Variants in TTC6 observed in about 807,000 individuals in gnomAD.
TTC6 encodes tetratricopeptide repeat domain 6.
Under a neutral mutation model 210.4 loss-of-function variants are expected in TTC6, and 172 were observed. The observed-to-expected ratio is 0.82, with a 90% CI of 0.72 to 0.93. TTC6 has a LOEUF of 0.93. TTC6 is among the 40% of genes least tolerant of loss of function. TTC6 has a pLI of 0.00. For missense variants in TTC6, 2,414 were observed against 2,318.1 expected, an observed-to-expected ratio of 1.04 and a Z score of -0.85; for synonymous variants, 804 against 819.6, an observed-to-expected ratio of 0.98 and a Z score of 0.32.
intron 18 of TTC6, among the ~76,000 whole-genome samples, 200 bp downstream of exon 20, chr14:37,795,552 G>GCT (rs1445657202): frequency 1.3e-5 from 2 of 152,014 alleles, no homozygotes; most frequent in African/African-American, 2.4e-5. Context: ...TTTTCCCTTT[G>GCT]CTCTACCCTT....
intron 29 of TTC6, among the ~76,000 whole-genome samples, chr14:37,832,827 A>G (rs2139025093): frequency 6.6e-6 from 1 of 152,210 alleles, no homozygotes; most frequent in African/African-American, 2.4e-5. Context: ...TGGGAGGCCA[A>G]GGTGGGCAGA....
At chr14:37,787,817 C>T (rs1160317187) in intron 15 of TTC6, among the ~76,000 whole-genome samples, 180 bp downstream of exon 17, 1 of 151,434 alleles carries the variant, frequency 6.6e-6, no homozygotes, top group South Asian at 2.1e-4. Flanking sequence ...TATAGGTATA[C>T]AATATATGAA....
intron 1 of TTC6, among the ~76,000 whole-genome samples, chr14:37,663,032 T>C (rs2095740573): frequency 6.6e-6 from 1 of 152,186 alleles, no homozygotes; most frequent in African/African-American, 2.4e-5. Flanking sequence ...GCATGGAATG[T>C]TTTTCCGTTT....
chr14:37,837,221 AT>A, intron 29 of TTC6: 1 of 240,790 alleles, frequency 4.2e-6, no homozygotes, highest in South Asian at 4.1e-5. Flanking sequence ...GAGAAAAAGA[AT>A]TTGCTTTTAC....
intron 8 of TTC6, among the ~76,000 whole-genome samples, chr14:37,737,263 G>A (rs2095904248): frequency 6.6e-6 from 1 of 152,072 alleles, no homozygotes; most frequent in Admixed American, 6.6e-5. Context: ...AGAGGTGACT[G>A]TCCAGGGGCT....
At chr14:37,602,133 C>T (rs757315383) in intron 1 of TTC6, among the ~76,000 whole-genome samples, 1 of 152,220 alleles carries the variant, frequency 6.6e-6, no homozygotes, top group Non-Finnish European at 1.5e-5. Context: ...GGGCTCTGCG[C>T]GCCCGCAGGG....
At chr14:37,770,434 G>A (rs201265443) in intron 14 of TTC6, among the ~76,000 whole-genome samples, 1 of 151,932 alleles carries the variant, frequency 6.6e-6, no homozygotes, top group East Asian at 1.9e-4. Context: ...ATGTGTGGGA[G>A]TCTAAGTCTC....
intron 6 of TTC6, among the ~76,000 whole-genome samples, chr14:37,717,088 C>T (rs1436653156): frequency 6.6e-6 from 1 of 151,452 alleles, no homozygotes; most frequent in African/African-American, 2.4e-5. Flanking sequence ...CATAGCTAAG[C>T]AGAATTTCTA....
intron 29 of TTC6, among the ~76,000 whole-genome samples, chr14:37,835,011 T>G (rs1595336554): frequency 6.6e-6 from 1 of 152,160 alleles, no homozygotes; most frequent in Admixed American, 6.5e-5. Context: ...GACACTGTGG[T>G]GAAGCTTTGC....
At chr14:37,755,153 T>C (rs1279590710) in intron 14 of TTC6, among the ~76,000 whole-genome samples, 1 of 152,132 alleles carries the variant, frequency 6.6e-6, no homozygotes, top group East Asian at 1.9e-4. Context: ...TGATCTTTTT[T>C]TCATATGTTT....
At chr14:37,696,513 C>A (rs1299300524) in intron 3 of TTC6, among the ~76,000 whole-genome samples, 3 of 151,776 alleles carry the variant, frequency 2.0e-5, no homozygotes, top group Admixed American at 1.3e-4. Flanking sequence ...AAACATGATA[C>A]TAATATTTTT....
At chr14:37,611,397 C>T (rs1464677277) in intron 2 of TTC6, 1 of 152,304 alleles carries the variant, frequency 6.6e-6, no homozygotes, top group Non-Finnish European at 1.5e-5. Flanking sequence ...GCGGTGACTT[C>T]GTGTGGGCGC....
At chr14:37,656,856 T>C (rs2095724536) in intron 1 of TTC6, among the ~76,000 whole-genome samples, 1 of 152,026 alleles carries the variant, frequency 6.6e-6, no homozygotes, top group African/African-American at 2.4e-5. Flanking sequence ...TAGGGGTGGT[T>C]GATCCTAAAA....
At chr14:37,628,765 T>C (rs1234553591) in intron 1 of TTC6, among the ~76,000 whole-genome samples, 1 of 152,248 alleles carries the variant, frequency 6.6e-6, no homozygotes, top group African/African-American at 2.4e-5. Flanking sequence ...CTTTAATTCA[T>C]CTTGAGTTAA....
exon 13 of TTC6, chr14:37,751,119 A>G (rs1313749322): frequency 2.0e-6 from 3 of 1,533,172 alleles, no homozygotes; most frequent in Non-Finnish European, 2.6e-6. Flanking sequence ...ATTCTAAACT[A>G]TACCCAGGCA....
chr14:37,694,813 G>T (rs539061254), intron 3 of TTC6, among the ~76,000 whole-genome samples: 1 of 152,174 alleles, frequency 6.6e-6, no homozygotes, highest in South Asian at 2.1e-4. Context: ...AGGCCTAGCC[G>T]TGTAGATTGC....
chr14:37,766,036 G>T (rs1322096315), intron 14 of TTC6, among the ~76,000 whole-genome samples: 1 of 152,028 alleles, frequency 6.6e-6, no homozygotes, highest in African/African-American at 2.4e-5. Context: ...GTGTCTCTAT[G>T]TGAAACTCTT....
At chr14:37,841,066 C>A (rs1381147234) in intron 29 of TTC6, among the ~76,000 whole-genome samples, 1 of 151,866 alleles carries the variant, frequency 6.6e-6, no homozygotes, top group Non-Finnish European at 1.5e-5. Context: ...ATGGGGTTTC[C>A]CCATGTTGGC....
chr14:37,841,694 G>T, intron 30 of TTC6, 24 bp downstream of exon 32: 1 of 1,556,494 alleles, frequency 6.4e-7, no homozygotes, highest in Non-Finnish European at 8.8e-7. Context: ...AATTATTCTG[G>T]TAAGATTACA....
Sources: gnomAD v4.1 joint callset for allele counts (sites outside exome capture counted in the v4.1 genomes callset) on GRCh38, gnomAD v4.1.1 for gene constraint, MANE v1.5 for transcripts, NCBI Gene and HGNC (gene_info 2026-07-23, HGNC 2026-07-21) for gene names.